TIAM1: variants seen among roughly 807,000 people sequenced by gnomAD.
TIAM1 encodes the protein rho guanine nucleotide exchange factor TIAM1.
In TIAM1, 65 loss-of-function variants were observed where a neutral mutation model predicts 163.5. The ratio of observed to expected loss-of-function variants is 0.40; its 90% CI spans 0.33 to 0.49. The LOEUF is 0.49. TIAM1 is among the 20% of genes least tolerant of loss of function. The probability of loss-of-function intolerance (pLI) is 0.77; values close to 1 mark genes in which losing one functional copy is unlikely to be tolerated. For synonymous variants in TIAM1, 833 were observed against 810.1 expected, an observed-to-expected ratio of 1.03 and a Z score of -0.48; for missense variants, 1,789 against 2,044.7, an observed-to-expected ratio of 0.87 and a Z score of 2.41.
At position 31,459,882 on chromosome 21, in the gene TIAM1, C is replaced by T. The variant is rs571660395; in HGVS notation, c.-369+4101G>A. On this transcript the variant is annotated intron_variant, in intron 2 of 28. Coordinates refer to the TIAM1 transcript ENST00000286827. Reference sequence around the variant, plus strand: ...CAGTCTTCAAAGAGCCAACTGGAGCCGGATGGTGCATGGGAAAAACGGAGG... The same window carrying T: ...CAGTCTTCAAAGAGCCAACTGGAGCTGGATGGTGCATGGGAAAAACGGAGG... Among the ~76,000 whole-genome samples, 93 of 152,284 alleles carry T rather than the reference C, an allele frequency of 6.1e-4. 2 individuals carry two copies. Among genetic ancestry groups the T allele is most frequent in the African/African-American group, 1.9e-3 (77 of 41,552 alleles).
At chr21:31,237,654 G>C (rs749252483) in intron 6 of TIAM1, among the ~76,000 whole-genome samples, 38 of 152,046 alleles carry the variant, frequency 2.5e-4, no homozygotes, top group Non-Finnish European at 4.9e-4. Context: ...ACTTTCTATG[G>C]GAAGAAAAGG....
chr21:31,537,274 G>A (rs897710196), intron 1 of TIAM1, among the ~76,000 whole-genome samples: 1 of 152,134 alleles, frequency 6.6e-6, no homozygotes, highest in East Asian at 1.9e-4. Context: ...CAACTCACCC[G>A]CATAGGGCTG....
intron 2 of TIAM1, among the ~76,000 whole-genome samples, chr21:31,369,291 A>G (rs934847887): frequency 1.3e-5 from 2 of 151,882 alleles, no homozygotes; most frequent in Non-Finnish European, 2.9e-5. Flanking sequence ...GAAGGTACAC[A>G]TGCATCAGTT....
chr21:31,179,176 C>T (rs548364857), intron 15 of TIAM1, among the ~76,000 whole-genome samples: 71 of 151,770 alleles, frequency 4.7e-4, no homozygotes, highest in Non-Finnish European at 6.0e-4. Context: ...CACCCGATTT[C>T]GGGAGTTCGA....
intron 4 of TIAM1, among the ~76,000 whole-genome samples, chr21:31,256,453 G>A (rs2072101633): frequency 6.6e-6 from 1 of 152,096 alleles, no homozygotes; most frequent in Admixed American, 6.5e-5. Flanking sequence ...AGAATTCACT[G>A]AATTCCAGGG....
At chr21:31,515,530 T>C (rs1418610473) in intron 1 of TIAM1, among the ~76,000 whole-genome samples, 2 of 152,178 alleles carry the variant, frequency 1.3e-5, no homozygotes, top group African/African-American at 4.8e-5. Context: ...TGTAAGTCCC[T>C]CAGAGTCTGG....
chr21:31,266,757 G>A lies in TIAM1; in HGVS notation c.216C>T (p.Gly72=). Residue 72 remains glycine, a synonymous_variant, in exon 4 of 28, where the codon GGC becomes GGT. Coordinates refer to ENST00000541036, the MANE Select transcript of TIAM1 (RefSeq NM_001353694.2). ...PSIPQSLAEN[G]LEPFSQDGTL... Reference sequence around the variant, plus strand: ...TACCATCTTGGGAGAAGGGCTCCAGGCCATTTTCAGCCAGGGACTGGGGGA... The same window carrying A: ...TACCATCTTGGGAGAAGGGCTCCAGACCATTTTCAGCCAGGGACTGGGGGA... 6.2e-7 allele frequency: 1 copy of A among 1,614,218 alleles called. No individual in the cohort carries two copies. The highest frequency in any genetic ancestry group is 8.5e-7 in the Non-Finnish European group (1 of 1,180,050).
chr21:31,134,567 G>A (rs768067140), intron 23 of TIAM1, among the ~76,000 whole-genome samples: 1 of 152,154 alleles, frequency 6.6e-6, no homozygotes, highest in Non-Finnish European at 1.5e-5. Flanking sequence ...CTGGAGTCCA[G>A]TGGAACGATC....
chr21:31,296,430 C>T (rs2074269864), intron 2 of TIAM1, among the ~76,000 whole-genome samples: 1 of 152,000 alleles, frequency 6.6e-6, no homozygotes, highest in Admixed American at 6.6e-5. Context: ...CCAACGGAGC[C>T]CCAAATCAAA....
Position 31,223,611 on chromosome 21 carries a change from G to T in TIAM1, c.1810-20C>A. ...AAAGATCTATGGTAGTGAAAACACG[G>T]GAAAAGAAAAAGTGAGAAAATGGGA... is the stretch of plus-strand genomic sequence containing the variant. On this transcript the variant is annotated intron_variant, in intron 7 of 27. Coordinates refer to ENST00000541036, the MANE Select transcript of TIAM1 (RefSeq NM_001353694.2). 6.4e-7 allele frequency: 1 copy of T among 1,566,712 alleles called. No homozygotes were observed. The highest frequency in any genetic ancestry group is 2.3e-5 in the East Asian group (1 of 44,078).
At position 31,195,263 on chromosome 21, in the gene TIAM1, T is replaced by C. The variant is rs748587785; in HGVS notation, c.2536A>G (p.Ile846Val). The C allele has an allele frequency of 6.2e-7, 1 of 1,613,842 alleles. No homozygotes were observed. The highest frequency in any genetic ancestry group is 8.5e-7 in the Non-Finnish European group (1 of 1,179,798). The change falls in exon 13 of 28, where the codon ATC (isoleucine) becomes GTC (valine). Residue 846 changes from isoleucine (I) to valine (V), a missense_variant. By Grantham distance (29) the Ile-to-Val change is conservative. Coordinates refer to ENST00000541036, the MANE Select transcript of TIAM1 (RefSeq NM_001353694.2). ...IEICPKVTQS[I>V]HIEKSDTAAD... ...GCTGTATCTGACTTCTCAATGTGGA[T>C]GCTCTGAGTGACTTTTGGACAGATT...
chr21:31,191,177 C>T (rs973086999), intron 13 of TIAM1, among the ~76,000 whole-genome samples: 38 of 150,144 alleles, frequency 2.5e-4, no homozygotes, highest in African/African-American at 8.8e-4. Flanking sequence ...TTTTTTTTTT[C>T]TTTGAGACAG....
intron 1 of TIAM1, among the ~76,000 whole-genome samples, chr21:31,521,779 A>ACACACAC (rs1432336156): frequency 1.3e-5 from 1 of 77,398 alleles, no homozygotes; most frequent in African/African-American, 4.1e-5. Context: ...CACACACACA[A>ACACACAC]AGTAAAGGAC....
intron 2 of TIAM1, among the ~76,000 whole-genome samples, chr21:31,436,469 A>G (rs2044212525): frequency 6.6e-6 from 1 of 152,010 alleles, no homozygotes; most frequent in South Asian, 2.1e-4. Flanking sequence ...TCAACTAAAA[A>G]TGCAAAAATT....
chr21:31,423,592 G>A (rs1191325599), intron 2 of TIAM1, among the ~76,000 whole-genome samples: 7 of 151,258 alleles, frequency 4.6e-5, no homozygotes, highest in Non-Finnish European at 8.8e-5. Context: ...GCAGCCAGGG[G>A]CTGTGTCTGC....
intron 1 of TIAM1, among the ~76,000 whole-genome samples, chr21:31,530,151 C>T (rs1215222366): frequency 1.3e-5 from 2 of 152,212 alleles, no homozygotes; most frequent in African/African-American, 4.8e-5. Context: ...TCTCCCAGGG[C>T]AACCTCATCT....
intron 1 of TIAM1, among the ~76,000 whole-genome samples, chr21:31,547,113 C>T (rs981278776): frequency 6.6e-6 from 1 of 152,198 alleles, no homozygotes; most frequent in Admixed American, 6.5e-5. Flanking sequence ...TGGATCACTA[C>T]AATTAAAATT....
intron 2 of TIAM1, among the ~76,000 whole-genome samples, chr21:31,383,097 T>C (rs2076806422): frequency 6.6e-6 from 1 of 151,866 alleles, no homozygotes; most frequent in East Asian, 1.9e-4. Flanking sequence ...AAAATTAGCC[T>C]GGCGTGGTGG....
At chr21:31,126,731 G>A (rs989618507) in intron 26 of TIAM1, among the ~76,000 whole-genome samples, 15 of 152,156 alleles carry the variant, frequency 9.9e-5, no homozygotes, top group African/African-American at 3.1e-4. Context: ...TTCTCATGGC[G>A]GAGGGAGAGA....
Sources: allele counts gnomAD v4.1 joint callset (sites outside exome capture counted in the v4.1 genomes callset), GRCh38; gene constraint gnomAD v4.1.1; transcripts MANE v1.5; gene names NCBI Gene and HGNC (gene_info 2026-07-23, HGNC 2026-07-21).